The following FGD5 variants were observed in gnomAD, a reference collection of about 807,000 sequenced individuals.
FGD5 encodes the protein FYVE, RhoGEF and PH domain containing 5.
A neutral mutation model predicts 133.4 loss-of-function variants in FGD5; 28 were observed. The observed-to-expected ratio is 0.21, with a 90% CI of 0.16 to 0.29. The LOEUF (loss-of-function observed/expected upper bound fraction) is 0.29, where lower values mean the gene tolerates loss of function less well. FGD5 is among the 10% of genes least tolerant of loss of function. The pLI is 1.00. For synonymous variants in FGD5, 810 were observed against 776.5 expected (o/e 1.04, Z -0.72); for missense variants, 1,858 against 1,895.2 (o/e 0.98, Z 0.36).
upstream of FGD5, among the ~76,000 whole-genome samples, chr3:14,815,663 A>G (rs901899359): frequency 1.3e-5 from 2 of 152,226 alleles, no homozygotes; most frequent in Non-Finnish European, 2.9e-5. Flanking sequence ...AGCCTTACAT[A>G]CATTTTTTAA....
intron 6 of FGD5, among the ~76,000 whole-genome samples, chr3:14,898,365 C>G (rs1241791701): frequency 1.3e-5 from 2 of 152,192 alleles, no homozygotes. Context: ...AAAGCACCAA[C>G]CAAGCCAGAG....
At chr3:14,878,733 T>A (rs1203218483) in intron 2 of FGD5, among the ~76,000 whole-genome samples, 1 of 151,662 alleles carries the variant, frequency 6.6e-6, no homozygotes, top group East Asian at 1.9e-4. Flanking sequence ...TGCTTTTTTT[T>A]TTTTTTTTTT....
At chr3:14,825,166 G>A (rs997211550) in intron 1 of FGD5, among the ~76,000 whole-genome samples, 4 of 152,212 alleles carry the variant, frequency 2.6e-5, no homozygotes, top group African/African-American at 9.7e-5. Context: ...AGTTTCTTCT[G>A]TGTAGTTACT....
chr3:14,857,904 T>C (rs866505498), intron 1 of FGD5, among the ~76,000 whole-genome samples: 2 of 151,902 alleles, frequency 1.3e-5, no homozygotes, highest in Non-Finnish European at 2.9e-5. Flanking sequence ...CCTATATTAC[T>C]ATCACCCCTG....
intron 19 of FGD5, 98 bp from the exon 20 acceptor site, chr3:14,933,033 A>T: frequency 7.2e-7 from 1 of 1,379,874 alleles, no homozygotes; most frequent in Non-Finnish European, 1.0e-6. Context: ...TTGACTTCAA[A>T]CTAAGAGGAA....
chr3:14,927,345 G>A (rs1559509796), intron 18 of FGD5, among the ~76,000 whole-genome samples: 1 of 152,296 alleles, frequency 6.6e-6, no homozygotes, highest in East Asian at 1.9e-4. Context: ...GGATTTAGGG[G>A]CCTGGCATGG....
rs1315136147 is a variant in FGD5, at chr3:14,922,718, C to G, written c.3807+170C>G. On this transcript the variant is annotated intron_variant, in intron 15 of 19. Transcript: ENST00000285046. The surrounding 1 kb of genome is among the most constrained non-coding windows in gnomAD (Gnocchi z 4.1). The stretch of plus-strand genomic sequence containing the variant: ...GATTGCTAATTCCCATTTTATAGAT[C>G]ATCAAACCAGAGCTCCAAGTCCCAG... Among the ~76,000 whole-genome samples, 2 of 152,168 alleles carry G rather than the reference C, an allele frequency of 1.3e-5. No homozygotes were observed. The highest frequency in any genetic ancestry group is 2.4e-5 in the African/African-American group (1 of 41,432).
chr3:14,821,148 C>T lies in FGD5; in HGVS notation c.2077C>T (p.Leu693=), dbSNP rs199845558. The T allele has an allele frequency of 2.4e-4, 383 of 1,613,960 alleles. No individual in the cohort carries two copies. In the African/African-American group the frequency reaches 4.2e-3, roughly 18 times the overall value. Residue 693 remains leucine, a synonymous_variant, in exon 1 of 20, where the codon CTG becomes TTG. Transcript: ENST00000285046. ...ESSYHGPSRI[L]EVDRRSLSNS... ...CAGCTACCACGGGCCTTCCAGGATT[C>T]TGGAAGTTGACCGGAGAAGCCTCAG...
intron 2 of FGD5, among the ~76,000 whole-genome samples, 159 bp from the exon 3 acceptor site, chr3:14,880,413 G>C (rs1422732078): frequency 1.3e-5 from 2 of 152,184 alleles, no homozygotes; most frequent in Admixed American, 6.5e-5. Flanking sequence ...TGAGGAAACT[G>C]AGGTGCAGAG....
intron 17 of FGD5, 23 bp from the exon 18 acceptor site, chr3:14,926,047 C>A: frequency 6.2e-7 from 1 of 1,612,472 alleles, no homozygotes; most frequent in Non-Finnish European, 8.5e-7. Context: ...GGTGGGCTGA[C>A]CGCTCTGCTT....
chr3:14,855,675 T>G (rs1472948159), intron 1 of FGD5, among the ~76,000 whole-genome samples: 1 of 152,150 alleles, frequency 6.6e-6, no homozygotes, highest in Non-Finnish European at 1.5e-5. Flanking sequence ...AAATGTCTAT[T>G]CATATCATTT....
intron 11 of FGD5, among the ~76,000 whole-genome samples, chr3:14,911,745 A>AT (rs1289359771): frequency 1.3e-5 from 2 of 148,156 alleles, no homozygotes; most frequent in African/African-American, 5.0e-5. Flanking sequence ...CAGACAGCCC[A>AT]TTGTAAATGC....
intron 1 of FGD5, among the ~76,000 whole-genome samples, chr3:14,861,581 G>A (rs762786993): frequency 5.3e-5 from 8 of 152,186 alleles, no homozygotes; most frequent in Admixed American, 6.5e-5. Flanking sequence ...CAGATTTGCC[G>A]CGTGACCTCG....
chr3:14,880,819 G>GGGCAA, intron 4 of FGD5, 47 bp downstream of exon 4: 2 of 1,601,798 alleles, frequency 1.2e-6, no homozygotes, highest in Non-Finnish European at 1.7e-6. Context: ...CCTTTTACAA[G>GGGCAA]TCTGTGATAT....
chr3:14,816,434 T>C (rs1287335336), upstream of FGD5, among the ~76,000 whole-genome samples: 1 of 152,194 alleles, frequency 6.6e-6, no homozygotes, highest in Non-Finnish European at 1.5e-5. Flanking sequence ...CAGCTACTAT[T>C]GAGTATTTCT....
chr3:14,908,503 T>C (rs1007597960), intron 10 of FGD5, among the ~76,000 whole-genome samples: 1 of 151,626 alleles, frequency 6.6e-6, no homozygotes, highest in Non-Finnish European at 1.5e-5. Flanking sequence ...ATCCCAAACG[T>C]TGAAATCCCA....
chr3:14,840,578 C>G (rs974850202), intron 1 of FGD5, among the ~76,000 whole-genome samples: 3 of 152,190 alleles, frequency 2.0e-5, no homozygotes, highest in Non-Finnish European at 2.9e-5. Flanking sequence ...CAGGCAGATC[C>G]ACTCCCGTTC....
chr3:14,897,693 G>T (rs1204637862), intron 5 of FGD5, 24 bp downstream of exon 5: 1 of 1,570,224 alleles, frequency 6.4e-7, no homozygotes, highest in Non-Finnish European at 8.6e-7. Context: ...GGACCCCCGG[G>T]TTCCACTTTT....
chr3:14,883,004 C>A (rs979223269), intron 4 of FGD5, among the ~76,000 whole-genome samples: 5 of 152,072 alleles, frequency 3.3e-5, no homozygotes, highest in African/African-American at 1.2e-4. Flanking sequence ...TGACGGTGTC[C>A]CCCAAATCTC....
Sources: gnomAD v4.1 joint callset for allele counts (sites outside exome capture counted in the v4.1 genomes callset) on GRCh38, gnomAD v4.1.1 for gene constraint, Gnocchi (gnomAD v3.1) non-coding constraint, MANE v1.5 for transcripts, NCBI Gene and HGNC (gene_info 2026-07-23, HGNC 2026-07-21) for gene names.